The following SCAMP1 variants were observed in gnomAD, a reference collection of about 807,000 sequenced individuals.
SCAMP1 encodes secretory carrier-associated membrane protein 1.
In SCAMP1, 15 loss-of-function variants were observed where a neutral mutation model predicts 41.8. The observed-to-expected ratio is 0.36, with a 90% CI of 0.24 to 0.55. The LOEUF is 0.55. SCAMP1 is among the 20% of genes least tolerant of loss of function. The pLI is 0.86. For missense variants in SCAMP1, 341 were observed against 412.6 expected, an observed-to-expected ratio of 0.83 and a Z score of 1.50; for synonymous variants, 135 against 136.8, an observed-to-expected ratio of 0.99 and a Z score of 0.09.
chr5:78,393,738 C>T (rs1033778526), intron 2 of SCAMP1, among the ~76,000 whole-genome samples: 1 of 151,924 alleles, frequency 6.6e-6, no homozygotes, highest in African/African-American at 2.4e-5. Flanking sequence ...TCTGGCCTAC[C>T]CTCTAAAATC....
chr5:78,468,449 G>A (rs991266629), intron 8 of SCAMP1, among the ~76,000 whole-genome samples: 2 of 152,162 alleles, frequency 1.3e-5, no homozygotes, highest in Admixed American at 1.3e-4. Flanking sequence ...CATCACAGGA[G>A]ACTATGGATC....
At chr5:78,448,672 C>G (rs1753137926) in intron 6 of SCAMP1, among the ~76,000 whole-genome samples, 1 of 152,128 alleles carries the variant, frequency 6.6e-6, no homozygotes, top group Non-Finnish European at 1.5e-5. Context: ...TGTGGAGGAG[C>G]TGGAATACTC....
chr5:78,473,922 G>A (rs921806833), intron 8 of SCAMP1, among the ~76,000 whole-genome samples: 2 of 152,064 alleles, frequency 1.3e-5, no homozygotes, highest in Non-Finnish European at 2.9e-5. Context: ...ATTTCTCATA[G>A]TTCTAGAGGC....
chr5:78,467,974 C>G (rs546196147), intron 8 of SCAMP1, among the ~76,000 whole-genome samples: 2 of 152,270 alleles, frequency 1.3e-5, no homozygotes, highest in African/African-American at 2.4e-5. Flanking sequence ...TTAATGCCCT[C>G]TAACCGTAAT....
intron 8 of SCAMP1, among the ~76,000 whole-genome samples, chr5:78,472,279 T>C (rs183408046): frequency 6.6e-6 from 1 of 152,232 alleles, no homozygotes; most frequent in East Asian, 1.9e-4. Flanking sequence ...CTGGGATACA[T>C]GTGCAGAACA....
chr5:78,408,693 G>A (rs1431630822), intron 2 of SCAMP1, among the ~76,000 whole-genome samples: 2 of 152,068 alleles, frequency 1.3e-5, no homozygotes, highest in African/African-American at 4.8e-5. Context: ...CTGCCTCCTG[G>A]GCTCAAGCTA....
chr5:78,443,138 T>C (rs1394028075), intron 6 of SCAMP1, among the ~76,000 whole-genome samples: 2 of 140,244 alleles, frequency 1.4e-5, no homozygotes, highest in Non-Finnish European at 3.0e-5. Flanking sequence ...GCATGAACCC[T>C]GGAGGCAGAG....
intron 1 of SCAMP1, among the ~76,000 whole-genome samples, chr5:78,381,724 T>C (rs1751209516): frequency 6.6e-6 from 1 of 152,218 alleles, no homozygotes; most frequent in African/African-American, 2.4e-5. Flanking sequence ...TGTCATACTT[T>C]TAATTTATCC....
intron 1 of SCAMP1, among the ~76,000 whole-genome samples, chr5:78,377,929 A>G (rs1580647298): frequency 6.6e-6 from 1 of 152,216 alleles, no homozygotes; most frequent in Admixed American, 6.5e-5. Flanking sequence ...CTTCTTAGTA[A>G]TGGAACTGGA....
chr5:78,373,813 G>A (rs1051846066), intron 1 of SCAMP1, among the ~76,000 whole-genome samples: 1 of 152,052 alleles, frequency 6.6e-6, no homozygotes, highest in African/African-American at 2.4e-5. Flanking sequence ...TCTAATTTCT[G>A]TTATTTTGGT....
intron 6 of SCAMP1, among the ~76,000 whole-genome samples, chr5:78,424,283 G>A (rs976257390): frequency 1.3e-5 from 2 of 152,144 alleles, no homozygotes; most frequent in Non-Finnish European, 2.9e-5. Flanking sequence ...TATATTTACA[G>A]GACTTTGTTC....
chr5:78,369,802 C>T (rs1292737935), intron 1 of SCAMP1, among the ~76,000 whole-genome samples: 2 of 152,186 alleles, frequency 1.3e-5, no homozygotes, highest in African/African-American at 2.4e-5. Flanking sequence ...TGTTCAGAGA[C>T]CAGCTATGCT....
intron 2 of SCAMP1, among the ~76,000 whole-genome samples, chr5:78,391,785 A>C (rs1409945954): frequency 6.6e-6 from 1 of 152,220 alleles, no homozygotes; most frequent in African/African-American, 2.4e-5. Flanking sequence ...CTGGCGGATC[A>C]CTTGCGGTTA....
intron 6 of SCAMP1, among the ~76,000 whole-genome samples, chr5:78,446,711 A>G (rs1347539474): frequency 6.6e-6 from 1 of 152,148 alleles, no homozygotes; most frequent in Non-Finnish European, 1.5e-5. Flanking sequence ...AGATTTTGAT[A>G]TTGGTTATTT....
At chr5:78,412,309 G>A (rs151088425) in intron 2 of SCAMP1, among the ~76,000 whole-genome samples, 12 of 151,266 alleles carry the variant, frequency 7.9e-5, no homozygotes, top group Non-Finnish European at 1.2e-4. Flanking sequence ...TTTTCTTCAC[G>A]CCAAGAGCAG....
At chr5:78,421,413 T>C (rs768885626) in intron 5 of SCAMP1, among the ~76,000 whole-genome samples, 5 of 152,192 alleles carry the variant, frequency 3.3e-5, no homozygotes, top group Non-Finnish European at 5.9e-5. Flanking sequence ...TGTAAAGATA[T>C]GGTTTTTCCT....
At chr5:78,438,320 A>G (rs1329548648) in intron 6 of SCAMP1, among the ~76,000 whole-genome samples, 1 of 152,154 alleles carries the variant, frequency 6.6e-6, no homozygotes, top group African/African-American at 2.4e-5. Context: ...TGTCTATTTT[A>G]GATCTTTCCT....
intron 6 of SCAMP1, among the ~76,000 whole-genome samples, chr5:78,431,822 A>AT (rs1752632665): frequency 2.6e-5 from 4 of 151,892 alleles, no homozygotes; most frequent in South Asian, 4.1e-4. Context: ...CCTTTAAAGA[A>AT]TTTTTTTAAT....
In SCAMP1 at chr5:78,409,760, C is replaced by T. The variant is rs541229047; in HGVS notation, c.136-5760C>T. On this transcript the variant is annotated intron_variant, in intron 2 of 8. Transcript: ENST00000621999. ...AATATATCGCATTACCAGCTCTAAC[C>T]CTACCTTCATCCTTATCTACTAGTT... Among the ~76,000 whole-genome samples, 3 of 152,234 alleles carry T rather than the reference C, an allele frequency of 2.0e-5. No homozygotes were observed. The South Asian group carries it at 6.2e-4, about 32-fold the overall frequency.
Sources: gnomAD v4.1 joint callset for allele counts (sites outside exome capture counted in the v4.1 genomes callset) on GRCh38, gnomAD v4.1.1 for gene constraint, MANE v1.5 for transcripts, NCBI Gene and HGNC (gene_info 2026-07-23, HGNC 2026-07-21) for gene names.